Variants in ASB16 observed in about 807,000 individuals in gnomAD.
ASB16 encodes ankyrin repeat and SOCS box containing 16.
Under a neutral mutation model 39.1 loss-of-function variants are expected in ASB16, and 44 were observed. The observed-to-expected ratio is 1.13, with a 90% CI of 0.88 to 1.45. The LOEUF is 1.45. ASB16 is among the 40% of genes most tolerant of loss of function. The pLI is 0.00. For missense variants in ASB16, 698 were observed against 634.5 expected (o/e 1.10, Z -1.07); for synonymous variants, 305 against 286.7 (o/e 1.06, Z -0.64).
In ASB16 at chr17:44,172,146, A is replaced by G; in HGVS notation, c.402A>G (p.Gly134=). 6.2e-7 allele frequency: 1 copy of G among 1,611,668 alleles called. No individual in the cohort carries two copies. Among genetic ancestry groups the G allele is most frequent in the Non-Finnish European group, 8.5e-7 (1 of 1,179,962 alleles). ...GTGCTCGACACCTGATCCGGCAGGG[A>G]GCTGAGCTGGATGCCCGTGTCGGGG... The part of the protein sequence containing the change: ...TDCARHLIRQ[G]AELDARVGGR... The change falls in exon 2 of 5, where the codon GGA becomes GGG. Residue 134 remains glycine (G), a synonymous_variant. Transcript: ENST00000293414.
Position 44,176,851 on chromosome 17 carries a change from T to C in ASB16, c.683T>C (p.Leu228Pro), listed in dbSNP as rs1363330812. 9 of 1,611,306 alleles carry C rather than the reference T, an allele frequency of 5.6e-6. No individual in the cohort carries two copies. ...CGCGGCCTGGAGCAACATGTGGCTC[T>C]GTACCTGGAGCATGGCGCCGACGTG... is the stretch of plus-strand genomic sequence containing the variant. ...AARGLEQHVA[L>P]YLEHGADVGL... Residue 228 changes from leucine (L) to proline (P), a missense_variant, in exon 3 of 5, where the codon CTG (leucine) becomes CCG (proline). Coordinates refer to ENST00000293414, the MANE Select transcript of ASB16 (RefSeq NM_080863.5).
At chr17:44,172,888 AT>A (rs1403069866) in intron 2 of ASB16, among the ~76,000 whole-genome samples, 3 of 148,464 alleles carry the variant, frequency 2.0e-5, no homozygotes, top group Non-Finnish European at 3.0e-5. Flanking sequence ...AAGTGCTGGG[AT>A]TACAGGCGTG....
intron 4 of ASB16, 140 bp from the exon 5 acceptor site, chr17:44,178,064 CT>C: frequency 1.1e-6 from 1 of 888,396 alleles, no homozygotes; most frequent in Non-Finnish European, 1.7e-6. Context: ...TGCAGGGCCT[CT>C]ATGGTTCTGA....
At chr17:44,173,191 A>G (rs1288106089) in intron 2 of ASB16, among the ~76,000 whole-genome samples, 1 of 150,822 alleles carries the variant, frequency 6.6e-6, no homozygotes, top group Admixed American at 6.6e-5. Flanking sequence ...GTTCAAGACC[A>G]GCCTGGCCAA....
intron 2 of ASB16, among the ~76,000 whole-genome samples, chr17:44,175,259 G>A (rs60636253): frequency 0.038 from 5,727 of 150,800 alleles, 139 homozygotes; most frequent in East Asian, 0.069. Flanking sequence ...AAAATTAGCC[G>A]GGCATGGTGA....
At chr17:44,175,357 G>A (rs1006721248) in intron 2 of ASB16, among the ~76,000 whole-genome samples, 2 of 129,662 alleles carry the variant, frequency 1.5e-5, no homozygotes, top group African/African-American at 3.0e-5. Context: ...AGCAGAGATC[G>A]CACCACTGCA....
Position 44,178,234 on chromosome 17 carries a change from G to A in ASB16, c.1206G>A (p.Leu402=), listed in dbSNP as rs1258856893. ...ACGAAGCCTTCTACAGCTCGGCCCT[G>A]TGCATGGTGAACCAGCCAAGGCAGC... is the stretch of plus-strand genomic sequence containing the variant. ...KEHEAFYSSA[L]CMVNQPRQLQ... is the part of the protein sequence containing the mutation. The change falls in exon 5 of 5, where the codon CTG becomes CTA. Residue 402 remains leucine (L), a synonymous_variant. Transcript: ENST00000293414. The A allele has an allele frequency of 6.2e-7, 1 of 1,613,490 alleles. No individual in the cohort carries two copies. Among genetic ancestry groups the A allele is most frequent in the Non-Finnish European group, 8.5e-7 (1 of 1,180,006 alleles).
chr17:44,172,317 G>T lies in ASB16; in HGVS notation c.569+4G>T. On this transcript the variant is annotated splice_donor_region_variant and intron_variant, in intron 2 of 4. Coordinates refer to ENST00000293414, the MANE Select transcript of ASB16 (RefSeq NM_080863.5). ...GCACGATCCCCGAGTCCTTGCAGTAGGTGCCTGGGGGCTGAGACAGTTTGG... is the reference window on the plus strand; with the variant it reads ...GCACGATCCCCGAGTCCTTGCAGTATGTGCCTGGGGGCTGAGACAGTTTGG... The T allele has an allele frequency of 6.8e-6, 11 of 1,607,564 alleles. No homozygotes were observed. Among genetic ancestry groups the T allele is most frequent in the Non-Finnish European group, 9.3e-6 (11 of 1,178,048 alleles).
Position 44,177,603 on chromosome 17 carries a change from C to T in ASB16, c.1063-6C>T, listed in dbSNP as rs1416498804. On this transcript the variant is annotated splice_polypyrimidine_tract_variant and splice_region_variant and intron_variant, in intron 3 of 4. Transcript: ENST00000293414. ...CATGTGCCCAAGACCCTCTTTTGACCCCTAGATGCTGAAACACTGCGCCAA... is the reference window on the plus strand; with the variant it reads ...CATGTGCCCAAGACCCTCTTTTGACTCCTAGATGCTGAAACACTGCGCCAA... 1.9e-6 allele frequency: 3 copies of T among 1,609,296 alleles called. No homozygotes were observed. The highest frequency in any genetic ancestry group is 2.2e-5 in the East Asian group (1 of 44,870).
rs2054328437 is a variant in ASB16, at chr17:44,178,225, C to T, written c.1197C>T (p.Ser399=). The part of the protein sequence containing the change: ...ELWKEHEAFY[S]SALCMVNQPR... ...CCTAGGAGCACGAAGCCTTCTACAG[C>T]TCGGCCCTGTGCATGGTGAACCAGC... is the stretch of plus-strand genomic sequence containing the variant. The change falls in exon 5 of 5, where the codon AGC becomes AGT. Residue 399 remains serine, a synonymous_variant. Transcript: ENST00000293414. 6.2e-7 allele frequency: 1 copy of T among 1,613,260 alleles called. No individual in the cohort carries two copies. The highest frequency in any genetic ancestry group is 1.3e-5 in the African/African-American group (1 of 74,910).
In ASB16 at chr17:44,170,812, TCACCTCCTC is replaced by T. The variant is rs749287866; in HGVS notation, c.26_34del (p.Thr9_Ser11del). Reference sequence around the variant, plus strand: ...TCCATGGCAAGAGAGACCTTCCCCTTCACCTCCTCCATGCTGCGCTCTCTCCGCCTGCAG... The same window carrying T: ...TCCATGGCAAGAGAGACCTTCCCCTTCATGCTGCGCTCTCTCCGCCTGCAG... On this transcript the variant is annotated inframe_deletion, in exon 1 of 5. Coordinates refer to ENST00000293414, the MANE Select transcript of ASB16 (RefSeq NM_080863.5). 1 of 1,605,614 alleles carries T rather than the reference TCACCTCCTC, an allele frequency of 6.2e-7. No homozygotes were observed. The highest frequency in any genetic ancestry group is 1.3e-5 in the African/African-American group (1 of 74,792).
chr17:44,171,561 T>TA (rs57839628), intron 1 of ASB16, among the ~76,000 whole-genome samples: 1,568 of 97,640 alleles, frequency 0.016, 107 homozygotes, highest in African/African-American at 0.076. Context: ...AGACCCTGCC[T>TA]AAAAAAAAAA....
chr17:44,173,981 C>T (rs570175565), intron 2 of ASB16, among the ~76,000 whole-genome samples: 2 of 152,092 alleles, frequency 1.3e-5, no homozygotes, highest in African/African-American at 2.4e-5. Context: ...AAGTGATCCT[C>T]CTGCCTCAGC....
At chr17:44,175,623 C>G (rs2054281992) in intron 2 of ASB16, among the ~76,000 whole-genome samples, 1 of 152,118 alleles carries the variant, frequency 6.6e-6, no homozygotes, top group Admixed American at 6.5e-5. Context: ...GATGGTGGAT[C>G]TGCTCCTGTT....
chr17:44,173,083 T>TAAAAA (rs770273961), intron 2 of ASB16, among the ~76,000 whole-genome samples: 3 of 77,564 alleles, frequency 3.9e-5, no homozygotes, highest in African/African-American at 1.5e-4. Flanking sequence ...GAGACTGTCT[T>TAAAAA]AAAAAAAAAA....
rs535564835 is a variant in ASB16, at chr17:44,176,970, C to T, written c.802C>T (p.Arg268Cys). Residue 268 changes from arginine to cysteine, a missense_variant, in exon 3 of 5, where the codon CGC becomes TGC. By Grantham distance (180) the Arg-to-Cys change is radical. Coordinates refer to ENST00000293414, the MANE Select transcript of ASB16 (RefSeq NM_080863.5). ...CTGCAGGCGACACCAGGCTGCGGCG[C>T]GCCGGCTCCTGGAGGCTGGAGCTGA... The part of the protein sequence containing the change: ...GSCRRHQAAA[R>C]RLLEAGADAR... The T allele has an allele frequency of 3.8e-5, 56 of 1,485,648 alleles. No individual in the cohort carries two copies. The highest frequency in any genetic ancestry group is 7.5e-5 in the Admixed American group (3 of 40,080). The allele number at this position is 1,485,648 out of a possible 1,614,324, so 92.0% of individuals were successfully genotyped here.
At position 44,177,207 on chromosome 17, in the gene ASB16, G is replaced by C. The variant is rs926461926; in HGVS notation, c.1039G>C (p.Gly347Arg). The C allele has an allele frequency of 2.6e-6, 4 of 1,541,762 alleles. No individual in the cohort carries two copies. Among genetic ancestry groups the C allele is most frequent in the African/African-American group, 1.4e-5 (1 of 72,882 alleles). Residue 347 changes from glycine (G) to arginine (R), a missense_variant, in exon 3 of 5, where the codon GGG becomes CGG. Gly to Arg is a moderately radical substitution (Grantham distance 125). Coordinates refer to ENST00000293414, the MANE Select transcript of ASB16 (RefSeq NM_080863.5). ...CCTTTTCGCCGCACTGCTGGACTAC[G>C]GGGCGCAGCCAGTGCGCCCTGAGGT... ...EVLFAALLDY[G>R]AQPVRPEMLK...
At chr17:44,176,582 T>G (rs1231220309) in intron 2 of ASB16, 156 bp from the exon 3 acceptor site, 1 of 1,108,760 alleles carries the variant, frequency 9.0e-7, no homozygotes, top group Non-Finnish European at 1.4e-6. Context: ...GACCTTCCAA[T>G]TCTGTTGTCT....
At position 44,177,141 on chromosome 17, in the gene ASB16, C is replaced by G; in HGVS notation, c.973C>G (p.Leu325Val). 1 of 1,516,876 alleles carries G rather than the reference C, an allele frequency of 6.6e-7. No individual in the cohort carries two copies. Among genetic ancestry groups the G allele is most frequent in the Non-Finnish European group, 8.8e-7 (1 of 1,135,764 alleles). 94.0% of individuals were successfully genotyped at this position (1,516,876 alleles called of 1,614,324 possible). Residue 325 changes from leucine (L) to valine (V), a missense_variant, in exon 3 of 5, where the codon CTG becomes GTG. By Grantham distance (32) the Leu-to-Val change is conservative. Coordinates refer to ENST00000293414, the MANE Select transcript of ASB16 (RefSeq NM_080863.5). The stretch of plus-strand genomic sequence containing the variant: ...GGGCCACACGCCCATGGACTGTGCG[C>G]TGCAGGCCGTCCAGGACTCCCCCAA... ...GAGHTPMDCALQAVQDSPNWE... is the reference protein window; with the variant it reads ...GAGHTPMDCAVQAVQDSPNWE...
Sources: gnomAD v4.1 joint callset for allele counts (sites outside exome capture counted in the v4.1 genomes callset) on GRCh38, gnomAD v4.1.1 for gene constraint, MANE v1.5 for transcripts, NCBI Gene and HGNC (gene_info 2026-07-23, HGNC 2026-07-21) for gene names.